SF3B1: variants seen among roughly 807,000 people sequenced by gnomAD.
The protein encoded by SF3B1 is pre-mRNA processing 10.
A neutral mutation model predicts 153.8 loss-of-function variants in SF3B1; 12 were observed. The observed-to-expected ratio is 0.08, with a 90% CI of 0.05 to 0.13. The LOEUF (loss-of-function observed/expected upper bound fraction) is 0.13, where lower values mean the gene tolerates loss of function less well. SF3B1 is among the 10% of genes least tolerant of loss of function. SF3B1 has a pLI of 1.00. For missense variants in SF3B1, 513 were observed against 1,606.1 expected (o/e 0.32, Z 11.63); for synonymous variants, 498 against 525.2 (o/e 0.95, Z 0.71).
At chr2:197,409,229 G>A (rs1180441856) in intron 7 of SF3B1, among the ~76,000 whole-genome samples, 2 of 151,994 alleles carry the variant, frequency 1.3e-5, no homozygotes, top group African/African-American at 2.4e-5. Flanking sequence ...GAGAAACCCC[G>A]TCTCTACTAA....
chr2:197,398,270 G>A lies in SF3B1; in HGVS notation c.3135-154C>T, dbSNP rs141420128. 6.5e-4 allele frequency among the ~76,000 whole-genome samples: 99 copies of A among 152,182 alleles called. 1 individual carries two copies. The highest frequency in any genetic ancestry group is 2.3e-3 in the African/African-American group (95 of 41,532). On this transcript the variant is annotated intron_variant, in intron 21 of 24. Coordinates refer to ENST00000335508, the MANE Select transcript of SF3B1 (RefSeq NM_012433.4). Reference sequence around the variant, plus strand: ...AAAGGCTGAAGAGTTAGTCTTACAGGTTTAGTCCTAAAATTACATTGCCAC... The same window carrying A: ...AAAGGCTGAAGAGTTAGTCTTACAGATTTAGTCCTAAAATTACATTGCCAC...
At chr2:197,396,432 G>T (rs923152305) in intron 22 of SF3B1, 104 bp from the exon 23 acceptor site, 3 of 878,672 alleles carry the variant, frequency 3.4e-6, no homozygotes, top group Non-Finnish European at 5.2e-6. Context: ...AATAATTACA[G>T]GGAACTCAGT....
At chr2:197,403,486 T>C (rs113067254) in intron 12 of SF3B1, 99 bp downstream of exon 12, 1 of 722,638 alleles carries the variant, frequency 1.4e-6, no homozygotes. Flanking sequence ...TGTGTACTTG[T>C]GCAAAGGAAA....
At chr2:197,406,410 G>A (rs978099193) in intron 9 of SF3B1, among the ~76,000 whole-genome samples, 11 of 151,994 alleles carry the variant, frequency 7.2e-5, no homozygotes, top group Non-Finnish European at 7.4e-5. Context: ...ATTTTTTGTT[G>A]CTAGTTAACG....
intron 4 of SF3B1, 82 bp downstream of exon 4, chr2:197,420,346 A>G (rs2085220104): frequency 2.0e-6 from 2 of 1,019,800 alleles, no homozygotes; most frequent in African/African-American, 1.6e-5. Context: ...ATTCAGAAGC[A>G]TGCCAAAAAA....
rs56204414 is a variant in SF3B1, at chr2:197,417,575, TA to T, written c.496-665del. ...CAACATAACGAAACCCCACCTCTAC[TA>T]AAAAAAAAAAAAAAAAAAAGAAATA... is the stretch of plus-strand genomic sequence containing the variant. On this transcript the variant is annotated intron_variant, in intron 5 of 24. Coordinates refer to ENST00000335508, the MANE Select transcript of SF3B1 (RefSeq NM_012433.4). 5.3e-3 allele frequency among the ~76,000 whole-genome samples: 533 copies of T among 99,800 alleles called. 3 individuals carry two copies. The highest frequency in any genetic ancestry group is 0.038 in the South Asian group (112 of 2,968). The allele number at this position is 99,800 out of a possible 152,430, so 65.5% of individuals were successfully genotyped here.
chr2:197,416,763 A>G lies in SF3B1; in HGVS notation c.644T>C (p.Leu215Pro). ...TACCTCTGCCTGATCCCAACTTGAT[A>G]GTTTTTTGGGAGTGGCACCAGGAGT... ...DQTPGATPKK[L>P]SSWDQAETPG... The change falls in exon 6 of 25, where the codon CTA becomes CCA. Residue 215 changes from leucine (L) to proline (P), a missense_variant. Leu to Pro is a moderately conservative substitution (Grantham distance 98). Around this residue, in one of 21 missense-constraint regions of SF3B1, gnomAD observed 17 missense variants for 16.3 expected, o/e 1.05. Transcript: ENST00000335508. 6.2e-7 allele frequency: 1 copy of G among 1,611,144 alleles called. No individual in the cohort carries two copies. The highest frequency in any genetic ancestry group is 8.5e-7 in the Non-Finnish European group (1 of 1,179,226).
At chr2:197,421,165 C>G (rs2085235884) in intron 2 of SF3B1, 32 bp from the exon 3 acceptor site, 1 of 1,396,594 alleles carries the variant, frequency 7.2e-7, no homozygotes, top group Middle Eastern at 1.8e-4. Context: ...AAGCCATAAA[C>G]AAAATGTTAG....
intron 1 of SF3B1, among the ~76,000 whole-genome samples, chr2:197,424,767 G>A (rs1416094750): frequency 4.6e-5 from 7 of 152,186 alleles, no homozygotes; most frequent in Admixed American, 2.0e-4. Context: ...TAAAGAAATA[G>A]TTTCGATTGC....
Position 197,402,337 on chromosome 2 carries a change from A to T in SF3B1, c.2078-207T>A. On this transcript the variant is annotated intron_variant, in intron 14 of 24. Coordinates refer to ENST00000335508, the MANE Select transcript of SF3B1 (RefSeq NM_012433.4). The surrounding 1 kb of genome is among the most constrained non-coding windows in gnomAD (Gnocchi z 4.6). The stretch of plus-strand genomic sequence containing the variant: ...CATAAAATCTATAGTTTGTAGAGCT[A>T]TGCCTTTCCATTTATCTCCCCAAAT... 2 of 700,904 alleles carry T rather than the reference A, an allele frequency of 2.9e-6. No individual in the cohort carries two copies. The highest frequency in any genetic ancestry group is 4.7e-6 in the Non-Finnish European group (2 of 430,058). The allele number at this position is 700,904 out of a possible 1,614,324, so 43.4% of individuals were successfully genotyped here.
intron 1 of SF3B1, among the ~76,000 whole-genome samples, chr2:197,431,171 G>A (rs1305613834): frequency 7.0e-6 from 1 of 143,702 alleles, no homozygotes; most frequent in East Asian, 2.1e-4. Context: ...GGAGTGCAGT[G>A]GCGTGGCGTG....
intron 5 of SF3B1, 84 bp from the exon 6 acceptor site, chr2:197,416,995 C>A: frequency 7.6e-7 from 1 of 1,322,190 alleles, no homozygotes; most frequent in South Asian, 1.4e-5. Context: ...ACTTAACATC[C>A]TATTTTATAC....
Position 197,393,107 on chromosome 2 carries a change from C to A in SF3B1, c.3621G>T (p.Ser1207=), listed in dbSNP as rs758849759. 17 of 1,613,646 alleles carry A rather than the reference C, an allele frequency of 1.1e-5. No homozygotes were observed. Among genetic ancestry groups the A allele is most frequent in the Non-Finnish European group, 1.4e-5 (16 of 1,179,666 alleles). Residue 1207 remains serine (S), a synonymous_variant, in exon 24 of 25, where the codon TCG becomes TCT. Coordinates refer to ENST00000335508, the MANE Select transcript of SF3B1 (RefSeq NM_012433.4). The part of the protein sequence containing the change: ...LGVYGFGCED[S]LNHLLNYVWP... ...ATACATAGTTCAACAAGTGATTCAG[C>A]GAATCTTCACAACCAAATCCATAAA...
intron 6 of SF3B1, 120 bp downstream of exon 6, chr2:197,416,621 T>C (rs1385283926): frequency 6.2e-6 from 5 of 810,440 alleles, no homozygotes; most frequent in Non-Finnish European, 7.7e-6. Flanking sequence ...AAAAAATCAA[T>C]GTCTGTTGTT....
At chr2:197,395,482 C>G (rs2084866148) in intron 23 of SF3B1, among the ~76,000 whole-genome samples, 1 of 152,200 alleles carries the variant, frequency 6.6e-6, no homozygotes, top group African/African-American at 2.4e-5. Flanking sequence ...CTTGCACTTT[C>G]CTTTGCACTT....
chr2:197,415,242 G>T (rs2085129828), intron 6 of SF3B1, among the ~76,000 whole-genome samples: 1 of 150,706 alleles, frequency 6.6e-6, no homozygotes, highest in Admixed American at 6.7e-5. Flanking sequence ...AAGCAAAAGA[G>T]TAGCTTTAAT....
chr2:197,428,332 G>GTAAA (rs1227275158), intron 1 of SF3B1, among the ~76,000 whole-genome samples: 1 of 151,960 alleles, frequency 6.6e-6, no homozygotes, highest in African/African-American at 2.4e-5. Context: ...AAATAAGTAA[G>GTAAA]TAAATAAATA....
intron 20 of SF3B1, chr2:197,399,081 C>A: frequency 7.7e-7 from 1 of 1,296,866 alleles, no homozygotes; most frequent in Non-Finnish European, 1.0e-6. Context: ...GGGGCTCTTG[C>A]TCTAACTAGA....
chr2:197,415,269 T>C (rs762878454), intron 6 of SF3B1, among the ~76,000 whole-genome samples: 9 of 151,742 alleles, frequency 5.9e-5, no homozygotes, highest in Non-Finnish European at 1.2e-4. Flanking sequence ...TTTATTTATT[T>C]TGAGACAAAG....
Sources: gnomAD v4.1 joint callset for allele counts (sites outside exome capture counted in the v4.1 genomes callset) on GRCh38, gnomAD v4.1.1 for gene constraint, gnomAD v4.1.1 regional missense constraint, Gnocchi (gnomAD v3.1) non-coding constraint, MANE v1.5 for transcripts, NCBI Gene and HGNC (gene_info 2026-07-23, HGNC 2026-07-21) for gene names.